CA7: variants seen among roughly 807,000 people sequenced by gnomAD.
CA7 encodes the protein carbonic anhydrase 7, also known as carbonate dehydratase VII.
Under a neutral mutation model 31.4 loss-of-function variants are expected in CA7, and 13 were observed. The ratio of observed to expected loss-of-function variants is 0.41; its 90% CI spans 0.27 to 0.66. The LOEUF (loss-of-function observed/expected upper bound fraction) is 0.66, where lower values mean the gene tolerates loss of function less well. CA7 is among the 30% of genes least tolerant of loss of function. The probability of loss-of-function intolerance (pLI) is 0.28; values close to 1 mark genes in which losing one functional copy is unlikely to be tolerated. For synonymous variants in CA7, 128 were observed against 133.2 expected (o/e 0.96, Z 0.27); for missense variants, 215 against 351.0 (o/e 0.61, Z 3.10).
chr16:66,845,288 C>G, intron 1 of CA7: 2 of 951,260 alleles, frequency 2.1e-6, no homozygotes, highest in Non-Finnish European at 2.5e-6. Context: ...CCCTTTGGGG[C>G]CATTTCTTAC....
At chr16:66,844,909 C>T (rs1960892389) in intron 1 of CA7, 1 of 1,032,856 alleles carries the variant, frequency 9.7e-7, no homozygotes, top group Middle Eastern at 4.6e-4. Flanking sequence ...GCGCTGTGCG[C>T]GGGTGTCTGC....
intron 2 of CA7, among the ~76,000 whole-genome samples, chr16:66,848,789 G>A (rs152166): frequency 0.31 from 47,247 of 152,000 alleles, 8,552 homozygotes; most frequent in East Asian, 0.6. Context: ...CTCTCTAGGA[G>A]CCCACACTAT....
intron 1 of CA7, 76 bp downstream of exon 1, chr16:66,844,603 G>T: frequency 7.6e-7 from 1 of 1,312,884 alleles, no homozygotes; most frequent in Non-Finnish European, 1.0e-6. Flanking sequence ...CTCTTGCCCA[G>T]CTGGTTTCCC....
intron 2 of CA7, among the ~76,000 whole-genome samples, chr16:66,847,520 T>C (rs1022917080): frequency 6.6e-6 from 1 of 152,218 alleles, no homozygotes; most frequent in Non-Finnish European, 1.5e-5. Context: ...CTTCCCTTCC[T>C]TGTGGTGCTA....
At chr16:66,851,591 A>G in intron 4 of CA7, 33 bp downstream of exon 4, 1 of 1,612,822 alleles carries the variant, frequency 6.2e-7, no homozygotes, top group Non-Finnish European at 8.5e-7. Context: ...CTGGAGGGGC[A>G]TGGGAGGCCT....
chr16:66,847,167 A>C lies in CA7; in HGVS notation c.178A>C (p.Ser60Arg), dbSNP rs1960946434. ...TTCCTATGAGGCCTGCATGTCCCTCAGCATCACCAACAATGGCCACTCTGT... is the reference window on the plus strand; with the variant it reads ...TTCCTATGAGGCCTGCATGTCCCTCCGCATCACCAACAATGGCCACTCTGT... Reference protein sequence around the residue: ...ELSYEACMSLSITNNGHSVQV... With the variant: ...ELSYEACMSLRITNNGHSVQV... The change falls in exon 2 of 7, where the codon AGC (serine) becomes CGC (arginine). Residue 60 changes from serine (S) to arginine (R), a missense_variant. Physicochemically the swap from Ser to Arg is moderately radical, Grantham distance 110 (BLOSUM62 -1). Coordinates refer to ENST00000338437, the MANE Select transcript of CA7 (RefSeq NM_005182.3). 1 of 1,614,090 alleles carries C rather than the reference A, an allele frequency of 6.2e-7. No homozygotes were observed. The highest frequency in any genetic ancestry group is 1.3e-5 in the African/African-American group (1 of 74,942).
chr16:66,848,102 T>C (rs1960965849), intron 2 of CA7, among the ~76,000 whole-genome samples: 1 of 152,152 alleles, frequency 6.6e-6, no homozygotes, highest in Non-Finnish European at 1.5e-5. Context: ...GAACTTAAGT[T>C]TCAAATGGAA....
At chr16:66,851,597 G>T in intron 4 of CA7, 39 bp downstream of exon 4, 11 of 1,610,682 alleles carry the variant, frequency 6.8e-6, no homozygotes, top group Non-Finnish European at 9.3e-6. Context: ...GGGCATGGGA[G>T]GCCTGGCACT....
chr16:66,850,646 C>T lies in CA7; in HGVS notation c.344C>T (p.Ser115Phe). Reference sequence around the variant, plus strand: ...TCTGAGCACACGGTGGACGGCAAGTCCTTCCCCAGCGAGGTACGGGCCCTC... The same window carrying T: ...TCTGAGCACACGGTGGACGGCAAGTTCTTCCCCAGCGAGGTACGGGCCCTC... ...VGSEHTVDGK[S>F]FPSELHLVHW... Residue 115 changes from serine (S) to phenylalanine (F), a missense_variant, in exon 3 of 7, where the codon TCC (serine) becomes TTC (phenylalanine). Coordinates refer to ENST00000338437, the MANE Select transcript of CA7 (RefSeq NM_005182.3). 1.2e-6 allele frequency: 2 copies of T among 1,611,114 alleles called. No individual in the cohort carries two copies. Among genetic ancestry groups the T allele is most frequent in the Non-Finnish European group, 1.7e-6 (2 of 1,177,258 alleles).
In CA7 at chr16:66,850,651, C is replaced by T; in HGVS notation, c.349C>T (p.Pro117Ser). 1 of 1,607,720 alleles carries T rather than the reference C, an allele frequency of 6.2e-7. No individual in the cohort carries two copies. The highest frequency in any genetic ancestry group is 8.5e-7 in the Non-Finnish European group (1 of 1,174,228). Reference sequence around the variant, plus strand: ...GCACACGGTGGACGGCAAGTCCTTCCCCAGCGAGGTACGGGCCCTCCTCCA... The same window carrying T: ...GCACACGGTGGACGGCAAGTCCTTCTCCAGCGAGGTACGGGCCCTCCTCCA... ...SEHTVDGKSF[P>S]SELHLVHWNA... The change falls in exon 3 of 7, where the codon CCC becomes TCC. Residue 117 changes from proline to serine, a missense_variant. Pro to Ser is a moderately conservative substitution (Grantham distance 74). Coordinates refer to ENST00000338437, the MANE Select transcript of CA7 (RefSeq NM_005182.3).
intron 5 of CA7, among the ~76,000 whole-genome samples, 158 bp from the exon 6 acceptor site, chr16:66,852,551 AAAG>A (rs1961081515): frequency 1.0e-5 from 1 of 97,086 alleles, no homozygotes; most frequent in African/African-American, 1.8e-4. Context: ...AGGAAGGAAG[AAAG>A]AAAGAAAGAA....
At chr16:66,852,234 A>C (rs566690179) in intron 5 of CA7, among the ~76,000 whole-genome samples, 1 of 152,234 alleles carries the variant, frequency 6.6e-6, no homozygotes, top group East Asian at 1.9e-4. Flanking sequence ...AGGCCGAGGC[A>C]GGCGGATCAC....
chr16:66,845,248 G>T, intron 1 of CA7: 1 of 985,160 alleles, frequency 1.0e-6, no homozygotes, highest in African/African-American at 1.7e-5. Flanking sequence ...AGAGCCAGAC[G>T]GCTGGAGTGT....
chr16:66,844,941 A>C, intron 1 of CA7: 1 of 1,009,392 alleles, frequency 9.9e-7, no homozygotes, highest in Non-Finnish European at 1.2e-6. Context: ...ACGGCAAGTG[A>C]GCGGGGACCT....
intron 1 of CA7, among the ~76,000 whole-genome samples, chr16:66,845,731 G>A (rs1250640504): frequency 6.6e-6 from 1 of 152,134 alleles, no homozygotes; most frequent in African/African-American, 2.4e-5. Context: ...GCTTCCCCCA[G>A]AGCCAGAGTC....
At chr16:66,846,142 G>A (rs1167733354) in intron 1 of CA7, among the ~76,000 whole-genome samples, 1 of 151,994 alleles carries the variant, frequency 6.6e-6, no homozygotes, top group Non-Finnish European at 1.5e-5. Flanking sequence ...CCTCTGGGAG[G>A]CAGGTGGTGG....
chr16:66,852,599 AAAGAAAAGAAAAAAG>A (rs1257872173), intron 5 of CA7, 98 bp from the exon 6 acceptor site: 20 of 329,972 alleles, frequency 6.1e-5, no homozygotes, highest in South Asian at 1.0e-4. Context: ...AAAAAAAAGA[AAAGAAAAGAAAAAAG>A]AAAAGAAAAA....
intron 1 of CA7, 141 bp from the exon 2 acceptor site, chr16:66,846,889 T>G (rs1960939628): frequency 1.5e-6 from 1 of 663,980 alleles, no homozygotes; most frequent in African/African-American, 1.8e-5. Context: ...AAGCTGGGAT[T>G]GGAACTCCAA....
At chr16:66,851,328 T>C in intron 3 of CA7, 135 bp from the exon 4 acceptor site, 1 of 799,442 alleles carries the variant, frequency 1.3e-6, no homozygotes, top group Non-Finnish European at 2.2e-6. Context: ...CCCCCCAGCA[T>C]CCTAATCCTT....
Sources: gnomAD v4.1 joint callset for allele counts (sites outside exome capture counted in the v4.1 genomes callset) on GRCh38, gnomAD v4.1.1 for gene constraint, MANE v1.5 for transcripts, NCBI Gene and HGNC (gene_info 2026-07-23, HGNC 2026-07-21) for gene names.